The following TTC39C variants were observed in gnomAD, a reference collection of about 807,000 sequenced individuals.
The protein encoded by TTC39C is tetratricopeptide repeat domain 39C.
A neutral mutation model predicts 76.3 loss-of-function variants in TTC39C; 33 were observed. That is an observed-to-expected ratio of 0.43 (90% CI 0.33 to 0.58). The LOEUF (loss-of-function observed/expected upper bound fraction) is 0.58. Ranked by LOEUF, TTC39C falls within the 20% of genes least tolerant of loss-of-function variation. The pLI is 0.04. For synonymous variants in TTC39C, 254 were observed against 260.6 expected (o/e 0.97, Z 0.24); for missense variants, 595 against 701.4 (o/e 0.85, Z 1.71).
intron 1 of TTC39C, among the ~76,000 whole-genome samples, chr18:24,021,746 T>C (rs937285525): frequency 3.9e-5 from 6 of 152,266 alleles, no homozygotes; most frequent in African/African-American, 1.4e-4. Context: ...ATCTCTTCCT[T>C]CTTGCTCAAT....
intron 6 of TTC39C, chr18:24,113,799 G>C (rs2084850991): frequency 3.0e-6 from 2 of 660,920 alleles, no homozygotes; most frequent in Non-Finnish European, 5.5e-6. Flanking sequence ...TTCAGCGGCG[G>C]GAAAACGAAA....
intron 6 of TTC39C, among the ~76,000 whole-genome samples, chr18:24,105,264 T>G (rs2084732446): frequency 6.6e-6 from 1 of 152,006 alleles, no homozygotes; most frequent in Non-Finnish European, 1.5e-5. Flanking sequence ...ATCCAGGAAA[T>G]GCAAATTAAA....
chr18:24,063,362 C>G (rs1191419985), intron 1 of TTC39C, among the ~76,000 whole-genome samples: 4 of 152,078 alleles, frequency 2.6e-5, no homozygotes, highest in Non-Finnish European at 4.4e-5. Flanking sequence ...TTGATCTACT[C>G]TAGAAACTAT....
chr18:24,112,504 G>T (rs961969298), intron 6 of TTC39C, among the ~76,000 whole-genome samples: 1 of 152,210 alleles, frequency 6.6e-6, no homozygotes, highest in African/African-American at 2.4e-5. Context: ...TAAGAGAAAT[G>T]ATTTGATTGA....
chr18:24,008,894 T>A (rs950967255), intron 1 of TTC39C, among the ~76,000 whole-genome samples: 1 of 152,206 alleles, frequency 6.6e-6, no homozygotes, highest in Non-Finnish European at 1.5e-5. Context: ...ATCATGTCCT[T>A]TGCAGGGACA....
At chr18:24,069,527 C>T (rs577797975) in intron 4 of TTC39C, among the ~76,000 whole-genome samples, 2 of 152,098 alleles carry the variant, frequency 1.3e-5, no homozygotes, top group South Asian at 2.1e-4. Flanking sequence ...TTGCTACTGC[C>T]TCTTATATGT....
chr18:24,109,174 T>TAAAAAAAAAAA (rs2084780812), intron 6 of TTC39C, among the ~76,000 whole-genome samples: 1 of 27,138 alleles, frequency 3.7e-5, no homozygotes, highest in African/African-American at 4.0e-4. Context: ...CTCCCGTCTC[T>TAAAAAAAAAAA]ACAAAAAAAA....
At chr18:24,131,205 T>A in intron 12 of TTC39C, among the ~76,000 whole-genome samples, 1 of 77,012 alleles carries the variant, frequency 1.3e-5, no homozygotes, top group African/African-American at 2.9e-5. Flanking sequence ...CAAGACCCTG[T>A]CTCAAAAAAA....
intron 7 of TTC39C, among the ~76,000 whole-genome samples, chr18:24,117,096 G>A (rs1390702666): frequency 2.6e-5 from 4 of 152,002 alleles, no homozygotes; most frequent in Non-Finnish European, 5.9e-5. Flanking sequence ...AGGATTACAG[G>A]CATAGGATTA....
intron 1 of TTC39C, among the ~76,000 whole-genome samples, chr18:24,049,219 A>G (rs1258047817): frequency 6.6e-6 from 1 of 152,246 alleles, no homozygotes; most frequent in East Asian, 1.9e-4. Flanking sequence ...TTTCAGGAGT[A>G]ACTTCGTAGG....
chr18:24,091,333 T>G (rs2084514284), intron 6 of TTC39C, among the ~76,000 whole-genome samples: 1 of 152,118 alleles, frequency 6.6e-6, no homozygotes, highest in Non-Finnish European at 1.5e-5. Context: ...GCCCAGCTAT[T>G]CAGGAGGCTG....
chr18:24,014,576 C>A, upstream of TTC39C: 1 of 252,522 alleles, frequency 4.0e-6, no homozygotes, highest in Non-Finnish European at 7.3e-6. Flanking sequence ...ACGGATTCCG[C>A]TTCGGGGCCC....
intron 6 of TTC39C, among the ~76,000 whole-genome samples, chr18:24,104,699 T>C (rs909872150): frequency 2.0e-5 from 3 of 150,668 alleles, no homozygotes; most frequent in Admixed American, 1.3e-4. Flanking sequence ...TGTGTGTGTG[T>C]GTGTGTGTGT....
Position 24,069,277 on chromosome 18 carries a change from C to T in TTC39C, c.460+6C>T, listed in dbSNP as rs1212559899. 1 of 1,607,352 alleles carries T rather than the reference C, an allele frequency of 6.2e-7. No homozygotes were observed. Among genetic ancestry groups the T allele is most frequent in the East Asian group, 2.2e-5 (1 of 44,776 alleles). ...TGTAAAACAAGAATTGTCAGGTATG[C>T]TGAAGCATTATTTTTAATGGTTTTC... On this transcript the variant is annotated splice_donor_region_variant and intron_variant, in intron 4 of 13. Transcript: ENST00000317571.
At chr18:24,094,562 ACTC>A (rs1252981625) in intron 6 of TTC39C, among the ~76,000 whole-genome samples, 1 of 152,092 alleles carries the variant, frequency 6.6e-6, no homozygotes, top group Non-Finnish European at 1.5e-5. Flanking sequence ...AGTCAAAACT[ACTC>A]CTTGTTCCAT....
chr18:24,075,123 G>A (rs1205256528), intron 4 of TTC39C, among the ~76,000 whole-genome samples: 1 of 151,990 alleles, frequency 6.6e-6, no homozygotes, highest in East Asian at 1.9e-4. Context: ...ACACAGGGTG[G>A]GGAACATCAC....
chr18:24,023,871 G>A (rs2083545762), intron 1 of TTC39C, among the ~76,000 whole-genome samples: 2 of 144,912 alleles, frequency 1.4e-5, no homozygotes, highest in South Asian at 4.4e-4. Flanking sequence ...GAAATTGATA[G>A]ATGAAATAAC....
chr18:24,101,229 A>G (rs1320912912), intron 6 of TTC39C, among the ~76,000 whole-genome samples: 1 of 152,060 alleles, frequency 6.6e-6, no homozygotes, highest in Admixed American at 6.6e-5. Context: ...AGATCTCAAT[A>G]AAGCTGGTAA....
intron 12 of TTC39C, among the ~76,000 whole-genome samples, chr18:24,131,160 G>T (rs1156292857): frequency 6.9e-6 from 1 of 145,332 alleles, no homozygotes; most frequent in African/African-American, 2.5e-5. Flanking sequence ...AGTGAGCCAT[G>T]ATTGTGCCAC....
Sources: allele counts gnomAD v4.1 joint callset (sites outside exome capture counted in the v4.1 genomes callset), GRCh38; gene constraint gnomAD v4.1.1; transcripts MANE v1.5; gene names NCBI Gene and HGNC (gene_info 2026-07-23, HGNC 2026-07-21).